Variants in TSPAN9 observed in about 807,000 individuals in gnomAD.
TSPAN9 encodes the protein tetraspanin 9.
Under a neutral mutation model 31.0 loss-of-function variants are expected in TSPAN9, and 16 were observed. The ratio of observed to expected loss-of-function variants is 0.52; its 90% CI spans 0.35 to 0.78. The LOEUF is 0.78. Among genes scored for constraint, TSPAN9 ranks in the 30% least tolerant of loss-of-function variants. The pLI, the probability that TSPAN9 is intolerant of heterozygous loss-of-function variation, is 0.01. For synonymous variants in TSPAN9, 145 were observed against 121.6 expected, an observed-to-expected ratio of 1.19 and a Z score of -1.27; for missense variants, 272 against 312.5, an observed-to-expected ratio of 0.87 and a Z score of 0.98.
At chr12:3,092,937 G>A (rs1427111768) in intron 2 of TSPAN9, among the ~76,000 whole-genome samples, 1 of 152,208 alleles carries the variant, frequency 6.6e-6, no homozygotes, top group Non-Finnish European at 1.5e-5. Flanking sequence ...CCAGGGCTGG[G>A]GGAGCTGGCG....
At chr12:3,191,540 C>T (rs1038279429) in intron 2 of TSPAN9, among the ~76,000 whole-genome samples, 1 of 152,326 alleles carries the variant, frequency 6.6e-6, no homozygotes, top group Admixed American at 6.5e-5. Context: ...CTAGAGGCCA[C>T]ACAGGTCATC....
intron 1 of TSPAN9, among the ~76,000 whole-genome samples, chr12:3,082,052 C>G (rs1439549611): frequency 1.3e-5 from 2 of 151,906 alleles, no homozygotes; most frequent in African/African-American, 4.8e-5. Flanking sequence ...AAAAGATAAA[C>G]GTCCTTATCT....
chr12:3,123,463 C>T (rs550816095), intron 2 of TSPAN9, among the ~76,000 whole-genome samples: 2 of 152,164 alleles, frequency 1.3e-5, no homozygotes, highest in East Asian at 3.9e-4. Flanking sequence ...TGCCCTTGGC[C>T]TGAGGCTCAG....
intron 3 of TSPAN9, among the ~76,000 whole-genome samples, chr12:3,265,724 A>G (rs1386433020): frequency 6.6e-6 from 1 of 152,116 alleles, no homozygotes; most frequent in Non-Finnish European, 1.5e-5. Context: ...CACCTCCCCC[A>G]ACTCAGGTTG....
chr12:3,203,926 T>A (rs1213854204), intron 3 of TSPAN9, among the ~76,000 whole-genome samples: 1 of 151,984 alleles, frequency 6.6e-6, no homozygotes, highest in African/African-American at 2.4e-5. Context: ...GGCCTGATAC[T>A]GGGGAAGGAG....
chr12:3,134,439 G>T (rs35320745), intron 2 of TSPAN9, among the ~76,000 whole-genome samples: 26,198 of 152,186 alleles, frequency 0.17, 2,334 homozygotes, highest in Middle Eastern at 0.24. Flanking sequence ...GAAGAAACTT[G>T]CCAGTCATGT....
In TSPAN9 at chr12:3,284,160, A is replaced by T. The variant is rs918489184; in HGVS notation, c.*1044A>T. On this transcript the variant is annotated 3_prime_UTR_variant, in exon 9 of 9. Coordinates refer to ENST00000011898, the MANE Select transcript of TSPAN9 (RefSeq NM_006675.5). ...CCTTCCACCCCATGTGGGTATTCCC[A>T]CAACAGGTTCTGCACACCCCAGTTA... The T allele has an allele frequency of 1.3e-5, 2 of 152,648 alleles. No homozygotes were observed. The highest frequency in any genetic ancestry group is 2.9e-5 in the Non-Finnish European group (2 of 68,054). 9.5% of individuals were successfully genotyped at this position (152,648 alleles called of 1,614,324 possible).
chr12:3,276,139 G>A (rs981283731), intron 3 of TSPAN9, among the ~76,000 whole-genome samples: 10 of 151,870 alleles, frequency 6.6e-5, no homozygotes, highest in African/African-American at 1.5e-4. Flanking sequence ...GGGGACAGAC[G>A]CCTCCCTGAG....
chr12:3,124,147 G>C (rs1472796759), intron 2 of TSPAN9, among the ~76,000 whole-genome samples: 1 of 152,190 alleles, frequency 6.6e-6, no homozygotes, highest in African/African-American at 2.4e-5. Context: ...GCACAGAACG[G>C]ATTTATCTGT....
At chr12:3,141,399 C>T (rs956000432) in intron 2 of TSPAN9, among the ~76,000 whole-genome samples, 6 of 152,166 alleles carry the variant, frequency 3.9e-5, no homozygotes, top group African/African-American at 7.2e-5. Context: ...GATGGCTATC[C>T]GGCCGGCCTC....
intron 3 of TSPAN9, among the ~76,000 whole-genome samples, chr12:3,242,016 G>A (rs2098396835): frequency 6.6e-6 from 1 of 152,254 alleles, no homozygotes; most frequent in African/African-American, 2.4e-5. Context: ...CTTTTCCTCT[G>A]AGTGGGGTCA....
At chr12:3,241,942 C>T (rs2098396784) in intron 3 of TSPAN9, among the ~76,000 whole-genome samples, 1 of 152,248 alleles carries the variant, frequency 6.6e-6, no homozygotes, top group Non-Finnish European at 1.5e-5. Flanking sequence ...CTCCAGCACA[C>T]AGGGGGCCAC....
chr12:3,232,521 T>TAA (rs1408998290), intron 3 of TSPAN9, among the ~76,000 whole-genome samples: 1 of 152,184 alleles, frequency 6.6e-6, no homozygotes, highest in Non-Finnish European at 1.5e-5. Flanking sequence ...AACTTTGAAC[T>TAA]AAAAGAAAAC....
At chr12:3,082,397 T>G (rs3782832) in intron 1 of TSPAN9, among the ~76,000 whole-genome samples, 37,618 of 152,110 alleles carry the variant, frequency 0.25, 5,392 homozygotes, top group South Asian at 0.39. Flanking sequence ...CTGTATTGTG[T>G]GTGGCCTTCA....
At chr12:3,180,441 C>T (rs1377648691) in intron 2 of TSPAN9, among the ~76,000 whole-genome samples, 1 of 151,812 alleles carries the variant, frequency 6.6e-6, no homozygotes, top group Non-Finnish European at 1.5e-5. Context: ...TGTACCACTG[C>T]ACTCCAGCCC....
intron 3 of TSPAN9, among the ~76,000 whole-genome samples, chr12:3,236,818 CTCATTCTGCAAGT>C (rs1306864256): frequency 6.6e-6 from 1 of 152,120 alleles, no homozygotes; most frequent in African/African-American, 2.4e-5. Context: ...AGGGATATAG[CTCATTCTGCAAGT>C]TCATGAAAAG....
chr12:3,079,127 G>A (rs560437983), intron 1 of TSPAN9, among the ~76,000 whole-genome samples: 53 of 151,952 alleles, frequency 3.5e-4, no homozygotes, highest in Non-Finnish European at 5.7e-4. Context: ...TTACAGGCGC[G>A]TGCCGCCACG....
At chr12:3,092,409 T>A (rs567010655) in intron 2 of TSPAN9, among the ~76,000 whole-genome samples, 1 of 152,174 alleles carries the variant, frequency 6.6e-6, no homozygotes, top group Non-Finnish European at 1.5e-5. Flanking sequence ...AAGTGTAAAG[T>A]TAGGTCAGTC....
chr12:3,116,059 C>T (rs974955647), intron 2 of TSPAN9, among the ~76,000 whole-genome samples: 2 of 152,180 alleles, frequency 1.3e-5, no homozygotes, highest in Non-Finnish European at 2.9e-5. Flanking sequence ...TGAACTTGAT[C>T]ATTTAGATAA....
Sources: allele counts gnomAD v4.1 joint callset (sites outside exome capture counted in the v4.1 genomes callset), GRCh38; gene constraint gnomAD v4.1.1; transcripts MANE v1.5; gene names NCBI Gene and HGNC (gene_info 2026-07-23, HGNC 2026-07-21).